Variants in ABCA8 observed in about 807,000 individuals in gnomAD.
ABCA8 encodes ABC-type organic anion transporter ABCA8.
ABCA8 carries 177 observed loss-of-function variants against 192.3 expected under a neutral mutation model. The observed-to-expected ratio is 0.92, with a 90% confidence interval of 0.81 to 1.04. The LOEUF is 1.04. Among genes scored for constraint, ABCA8 ranks in the 50% least tolerant of loss-of-function variants. The pLI is 0.00. For missense variants in ABCA8, 1,915 were observed against 1,904.8 expected (o/e 1.01, Z -0.10); for synonymous variants, 642 against 690.2 (o/e 0.93, Z 1.09).
At chr17:68,891,046 A>G (rs1189006295) in intron 24 of ABCA8, among the ~76,000 whole-genome samples, 2 of 152,204 alleles carry the variant, frequency 1.3e-5, no homozygotes, top group Non-Finnish European at 2.9e-5. Flanking sequence ...TTTGTTGAAA[A>G]GTCTAATCTT....
At chr17:68,877,400 C>T (rs767716039) in intron 33 of ABCA8, 119 bp downstream of exon 33, 3 of 843,862 alleles carry the variant, frequency 3.6e-6, no homozygotes, top group Admixed American at 2.7e-5. Context: ...GTAAATCTAC[C>T]CAGTGTGACC....
intron 2 of ABCA8, among the ~76,000 whole-genome samples, chr17:68,946,965 GAGAC>G (rs1567889494): frequency 7.5e-6 from 1 of 133,812 alleles, no homozygotes; most frequent in African/African-American, 2.8e-5. Context: ...GAGAGAGAGA[GAGAC>G]AGAGAGAGAG....
rs187150256 is a variant in ABCA8 at position 68,911,493 on chromosome 17, C to G, written c.2139-3614G>C. Among the ~76,000 whole-genome samples the G allele has an allele frequency of 6.6e-6, 1 of 152,142 alleles. No individual in the cohort carries two copies. The highest frequency in any genetic ancestry group is 2.4e-5 in the African/African-American group (1 of 41,420). ...CCCAGAAGGCATTTCTGGACCCACCCTGGGCCAGTGGGAAGCTTGCCACCA... is the reference window on the plus strand; with the variant it reads ...CCCAGAAGGCATTTCTGGACCCACCGTGGGCCAGTGGGAAGCTTGCCACCA... On this transcript the variant is annotated intron_variant, in intron 17 of 39. Coordinates refer to ENST00000586539, the MANE Select transcript of ABCA8 (RefSeq NM_001288985.2). The surrounding 1 kb of genome is among the most constrained non-coding windows in gnomAD (Gnocchi z 5.7).
chr17:68,887,925 T>TATATGGATATATATATTA, intron 24 of ABCA8, among the ~76,000 whole-genome samples: 1 of 101,032 alleles, frequency 9.9e-6, no homozygotes, highest in South Asian at 3.1e-4. Context: ...TATATATATA[T>TATATGGATATATATATTA]TATATATGGA....
rs192722741 is a variant in ABCA8, at chr17:68,908,821, T to C, written c.2139-942A>G. On this transcript the variant is annotated intron_variant, in intron 17 of 39. Coordinates refer to ENST00000586539, the MANE Select transcript of ABCA8 (RefSeq NM_001288985.2). ...CATCTGGAACGTGTTATTTAACTTA[T>C]CTAAACAGTTACTTTATTAGAAAAC... is the stretch of plus-strand genomic sequence containing the variant. 9.8e-5 allele frequency among the ~76,000 whole-genome samples: 15 copies of C among 152,342 alleles called. No homozygotes were observed. In the East Asian group the frequency reaches 2.7e-3, roughly 27 times the overall value.
chr17:68,940,646 A>C, intron 4 of ABCA8, 112 bp downstream of exon 4: 1 of 947,738 alleles, frequency 1.1e-6, no homozygotes, highest in Non-Finnish European at 1.6e-6. Context: ...CAATTCATGT[A>C]CTCCAGAAAG....
intron 21 of ABCA8, among the ~76,000 whole-genome samples, chr17:68,901,533 C>A (rs750245171): frequency 6.6e-6 from 1 of 152,146 alleles, no homozygotes. Context: ...TGAGGCCGGG[C>A]GCGGTGGCTC....
intron 23 of ABCA8, 79 bp downstream of exon 23, chr17:68,894,094 A>C (rs746527335): frequency 2.6e-5 from 38 of 1,479,070 alleles, no homozygotes; most frequent in Non-Finnish European, 3.2e-5. Flanking sequence ...AATAAAAACA[A>C]GATTCCAGCA....
intron 10 of ABCA8, among the ~76,000 whole-genome samples, chr17:68,926,458 A>G (rs1046439083): frequency 6.6e-6 from 1 of 152,246 alleles, no homozygotes; most frequent in Admixed American, 6.5e-5. Flanking sequence ...CACAAAAAAA[A>G]GTCAGTGAGA....
At chr17:68,912,901 C>T (rs2067258837) in intron 17 of ABCA8, among the ~76,000 whole-genome samples, 1 of 152,090 alleles carries the variant, frequency 6.6e-6, no homozygotes, top group South Asian at 2.1e-4. Context: ...ATCAAATGGA[C>T]CCAATAAATA....
In ABCA8 at chr17:68,894,208, C is replaced by T. The variant is rs2066690216; in HGVS notation, c.3001G>A (p.Val1001Ile). ...GTACTTCTTTCAGTTCGGATATGTACTGATGGTTTAACCATTCCAAGTAGC... is the reference window on the plus strand; with the variant it reads ...GTACTTCTTTCAGTTCGGATATGTATTGATGGTTTAACCATTCCAAGTAGC... Reference protein sequence around the residue: ...NGLLGMVKPSVHIRTERSTFL... With the variant: ...NGLLGMVKPSIHIRTERSTFL... The change falls in exon 23 of 40, where the codon GTA (valine) becomes ATA (isoleucine). Residue 1001 changes from valine (V) to isoleucine (I), a missense_variant. Val to Ile is a conservative substitution (Grantham distance 29). Transcript: ENST00000586539. 6.2e-7 allele frequency: 1 copy of T among 1,613,376 alleles called. No individual in the cohort carries two copies.
intron 21 of ABCA8, among the ~76,000 whole-genome samples, chr17:68,895,449 A>T (rs188927282): frequency 3.9e-5 from 6 of 152,340 alleles, no homozygotes; most frequent in Admixed American, 3.3e-4. Flanking sequence ...TCCCCAGAAA[A>T]ACAATCATAA....
chr17:68,884,124 C>T (rs1297239312), intron 28 of ABCA8, among the ~76,000 whole-genome samples: 1 of 152,124 alleles, frequency 6.6e-6, no homozygotes, highest in East Asian at 1.9e-4. Flanking sequence ...AACAGTTGTA[C>T]AGAGTCCTTA....
In ABCA8 at chr17:68,877,485, T is replaced by C. The variant is rs558134655; in HGVS notation, c.4199+34A>G. On this transcript the variant is annotated intron_variant, in intron 33 of 39. Coordinates refer to ENST00000586539, the MANE Select transcript of ABCA8 (RefSeq NM_001288985.2). ...ACTCTCAACCTCCTCCACCCCTCCCTTGGGTATAGAACAGATGTGGCTCCT... is the reference window on the plus strand; with the variant it reads ...ACTCTCAACCTCCTCCACCCCTCCCCTGGGTATAGAACAGATGTGGCTCCT... 1.1e-5 allele frequency: 18 copies of C among 1,569,550 alleles called. No homozygotes were observed. The South Asian group carries it at 2.2e-4, about 19-fold the overall frequency.
intron 17 of ABCA8, among the ~76,000 whole-genome samples, chr17:68,909,210 A>C (rs1284255140): frequency 6.6e-6 from 1 of 152,192 alleles, no homozygotes; most frequent in African/African-American, 2.4e-5. Context: ...GAAGCTTGAA[A>C]GGGGAGGTTG....
chr17:68,904,395 C>T (rs2067008236), intron 19 of ABCA8, among the ~76,000 whole-genome samples: 2 of 151,310 alleles, frequency 1.3e-5, no homozygotes, highest in South Asian at 4.2e-4. Flanking sequence ...CCTGTCTTAC[C>T]AAGGGAATAA....
Position 68,921,370 on chromosome 17 carries a change from A to G in ABCA8, c.1612+12T>C, listed in dbSNP as rs1567862773. The G allele has an allele frequency of 1.3e-6, 2 of 1,575,748 alleles. No homozygotes were observed. Among genetic ancestry groups the G allele is most frequent in the Non-Finnish European group, 1.7e-6 (2 of 1,158,690 alleles). On this transcript the variant is annotated intron_variant, in intron 13 of 39. Transcript: ENST00000586539. The stretch of plus-strand genomic sequence containing the variant: ...TATAATTTAAAAAAAAAGAAAACAA[A>G]CTAGTTTGTACCTTTGGTGGGAACA...
At chr17:68,896,041 C>T (rs1463929457) in intron 21 of ABCA8, among the ~76,000 whole-genome samples, 1 of 152,146 alleles carries the variant, frequency 6.6e-6, no homozygotes, top group Non-Finnish European at 1.5e-5. Flanking sequence ...ATCCATGCTT[C>T]CAGCTCTGAA....
At chr17:68,935,438 T>G (rs1410387690) in intron 5 of ABCA8, among the ~76,000 whole-genome samples, 1 of 150,826 alleles carries the variant, frequency 6.6e-6, no homozygotes, top group Non-Finnish European at 1.5e-5. Context: ...ATTTTTGCCT[T>G]TATTTTTCAC....
Sources: allele counts gnomAD v4.1 joint callset (sites outside exome capture counted in the v4.1 genomes callset), GRCh38; gene constraint gnomAD v4.1.1; non-coding constraint Gnocchi (gnomAD v3.1); transcripts MANE v1.5; gene names NCBI Gene and HGNC (gene_info 2026-07-23, HGNC 2026-07-21).